The following UNKL variants were observed in gnomAD, a reference collection of about 807,000 sequenced individuals.
The protein encoded by UNKL is unk like zinc finger.
UNKL carries 60 observed loss-of-function variants against 78.0 expected under a neutral mutation model. The observed-to-expected ratio is 0.77, with a 90% confidence interval of 0.63 to 0.95. The LOEUF (loss-of-function observed/expected upper bound fraction) is 0.95, where lower values mean the gene tolerates loss of function less well. Among genes scored for constraint, UNKL ranks in the 40% least tolerant of loss-of-function variants. UNKL has a pLI of 0.00. For synonymous variants in UNKL, 608 were observed against 474.8 expected (o/e 1.28, Z -3.65); for missense variants, 1,159 against 1,045.7 (o/e 1.11, Z -1.49).
chr16:1,395,321 C>T (rs557820807), intron 6 of UNKL, among the ~76,000 whole-genome samples: 158 of 152,042 alleles, frequency 1.0e-3, no homozygotes, highest in African/African-American at 3.1e-3. Context: ...CCATGAGCCA[C>T]CAAACCTGGC....
rs1159244805 is a variant in UNKL, at chr16:1,364,087, C to CAAAT, written c.*2149_*2152dup. Reference sequence around the variant, plus strand: ...CAAATGGGAACCAAGTGCATAAATACAAATAAAAACAGAGTTTACACATCG... The same window carrying CAAAT: ...CAAATGGGAACCAAGTGCATAAATACAAATAAATAAAAACAGAGTTTACACATCG... On this transcript the variant is annotated 3_prime_UTR_variant, in exon 15 of 15. Coordinates refer to ENST00000389221, the MANE Select transcript of UNKL (RefSeq NM_001372107.1). 4 of 152,184 alleles carry CAAAT rather than the reference C, an allele frequency of 2.6e-5. No individual in the cohort carries two copies. The highest frequency in any genetic ancestry group is 5.9e-5 in the Non-Finnish European group (4 of 68,034). 9.4% of individuals were successfully genotyped at this position (152,184 alleles called of 1,614,324 possible). A position where few individuals can be genotyped will look rare whatever the true frequency, so the allele number is the denominator to read the frequency against.
In UNKL at chr16:1,366,087, C is replaced by T. The variant is rs1017449547; in HGVS notation, c.*153G>A. 2.1e-5 allele frequency: 19 copies of T among 892,840 alleles called. No homozygotes were observed. Among genetic ancestry groups the T allele is most frequent in the Middle Eastern group, 7.5e-4 (2 of 2,674 alleles). 55.3% of individuals were successfully genotyped at this position (892,840 alleles called of 1,614,324 possible). Reference sequence around the variant, plus strand: ...GAAAGGCTGTCAGGCCAAGCGCAGGCGGGGCTCCCAGCCTCATGATAACGT... The same window carrying T: ...GAAAGGCTGTCAGGCCAAGCGCAGGTGGGGCTCCCAGCCTCATGATAACGT... On this transcript the variant is annotated 3_prime_UTR_variant, in exon 15 of 15. Transcript: ENST00000389221.
intron 4 of UNKL, among the ~76,000 whole-genome samples, chr16:1,400,077 G>A (rs542516134): frequency 2.0e-5 from 3 of 152,040 alleles, no homozygotes; most frequent in Non-Finnish European, 2.9e-5. Context: ...TTTCTACTCA[G>A]TTTTGCTGTG....
chr16:1,401,539 A>ACCCCCCCCCC, intron 4 of UNKL, 29 bp downstream of exon 4: 1 of 1,351,508 alleles, frequency 7.4e-7, no homozygotes. Flanking sequence ...CCCCCCCACC[A>ACCCCCCCCCC]CCGCCCTCAG....
chr16:1,414,102 G>A (rs1467185231), intron 1 of UNKL, 47 bp from the exon 2 acceptor site: 11 of 1,505,844 alleles, frequency 7.3e-6, no homozygotes, highest in East Asian at 2.5e-5. Flanking sequence ...AGCACCTCCA[G>A]GGACTCGGAC....
Position 1,401,677 on chromosome 16 carries a change from C to A in UNKL, c.489G>T (p.Leu163Phe). Residue 163 changes from leucine to phenylalanine, a missense_variant, in exon 4 of 15, where the codon TTG becomes TTT. Physicochemically the swap from Leu to Phe is conservative, Grantham distance 22. Transcript: ENST00000389221. The stretch of plus-strand genomic sequence containing the variant: ...CCCCGCCGCCCAGCTGGCCGTTCTG[C>A]AAGGCTTCCTGGGCCTGCAGCTCCC... ...DVRELQAQEA[L>F]QNGQLGGGEG... is the part of the protein sequence containing the mutation. 6.2e-7 allele frequency: 1 copy of A among 1,611,830 alleles called. No individual in the cohort carries two copies. The highest frequency in any genetic ancestry group is 8.5e-7 in the Non-Finnish European group (1 of 1,179,366).
Position 1,370,169 on chromosome 16 carries a change from C to G in UNKL, c.1546G>C (p.Gly516Arg). The G allele has an allele frequency of 6.6e-7, 1 of 1,515,268 alleles. No individual in the cohort carries two copies. Among genetic ancestry groups the G allele is most frequent in the African/African-American group, 1.4e-5 (1 of 72,480 alleles). 93.9% of individuals were successfully genotyped at this position (1,515,268 alleles called of 1,614,324 possible). A position where few individuals can be genotyped will look rare whatever the true frequency, so the allele number is the denominator to read the frequency against. Residue 516 changes from glycine (G) to arginine (R), a missense_variant, in exon 12 of 15, where the codon GGC (glycine) becomes CGC (arginine). Gly to Arg is a moderately radical substitution (Grantham distance 125, BLOSUM62 -2). Transcript: ENST00000389221. Reference protein sequence around the residue: ...QQPPPLRSEPGTLGSAASSYS... With the variant: ...QQPPPLRSEPRTLGSAASSYS... ...GATGAGGCTGCAGAGCCCAGTGTGC[C>G]CGGCTCTGAACGCAGGGGTGGCGGC... is the stretch of plus-strand genomic sequence containing the variant.
In UNKL at chr16:1,364,097, CAG is replaced by C. The variant is rs1303182891; in HGVS notation, c.*2141_*2142del. The C allele has an allele frequency of 2.6e-5, 4 of 152,188 alleles. No homozygotes were observed. The highest frequency in any genetic ancestry group is 1.3e-4 in the Admixed American group (2 of 15,284). The allele number at this position is 152,188 out of a possible 1,614,324, so 9.4% of individuals were successfully genotyped here. On this transcript the variant is annotated 3_prime_UTR_variant, in exon 15 of 15. Coordinates refer to ENST00000389221, the MANE Select transcript of UNKL (RefSeq NM_001372107.1). ...CCAAGTGCATAAATACAAATAAAAA[CAG>C]AGTTTACACATCGATGACAGTAGCA...
In UNKL at chr16:1,399,031, G is replaced by A. The variant is rs1193581144; in HGVS notation, c.734+343C>T. ...GACAGCATGCAGCCCACAGGCTGGA[G>A]AGCGTGGCTGCAACCAGAGGCACGG... On this transcript the variant is annotated intron_variant, in intron 5 of 14. Coordinates refer to ENST00000389221, the MANE Select transcript of UNKL (RefSeq NM_001372107.1). The surrounding 1 kb of genome is among the most constrained non-coding windows in gnomAD (Gnocchi z 5.8). 4 of 1,438,362 alleles carry A rather than the reference G, an allele frequency of 2.8e-6. No individual in the cohort carries two copies. Among genetic ancestry groups the A allele is most frequent in the Non-Finnish European group, 3.7e-6 (4 of 1,094,432 alleles). 89.1% of individuals were successfully genotyped at this position (1,438,362 alleles called of 1,614,324 possible).
chr16:1,370,472 G>T, intron 11 of UNKL, 115 bp from the exon 12 acceptor site: 1 of 1,443,110 alleles, frequency 6.9e-7, no homozygotes, highest in East Asian at 2.6e-5. Context: ...TGGGGATATG[G>T]GGGGTGGGAA....
chr16:1,363,359 G>C lies in UNKL; in HGVS notation c.*2881C>G. On this transcript the variant is annotated 3_prime_UTR_variant, in exon 15 of 15. Transcript: ENST00000389221. The stretch of plus-strand genomic sequence containing the variant: ...AAATGATTATAAATACTACCTTCTG[G>C]GTTAAGAAAATTCCATTCAAATAAC... 2.2e-6 allele frequency: 1 copy of C among 458,960 alleles called. No individual in the cohort carries two copies. The highest frequency in any genetic ancestry group is 2.1e-5 in the South Asian group (1 of 46,880). The allele number at this position is 458,960 out of a possible 1,614,324, so 28.4% of individuals were successfully genotyped here. A position where few individuals can be genotyped will look rare whatever the true frequency, so the allele number is the denominator to read the frequency against.
rs558104019 is a variant in UNKL at position 1,367,206 on chromosome 16, G to A, written c.1932C>T (p.Gly644=). 8.1e-6 allele frequency: 13 copies of A among 1,605,092 alleles called. No homozygotes were observed. The highest frequency in any genetic ancestry group is 1.7e-4 in the Middle Eastern group (1 of 6,034). ...GCAGCCCCGGCAGTGTGGAGGCTAC[G>A]CCCAGGCCCTCCAGCTCCTCCTGCA... ...KQLQEELEGL[G]VASTLPGLRG... The change falls in exon 14 of 15, where the codon GGC becomes GGT. Residue 644 remains glycine (G), a synonymous_variant. Transcript: ENST00000389221.
intron 2 of UNKL, chr16:1,407,420 AAGAC>A (rs898999953): frequency 2.0e-5 from 3 of 152,238 alleles, no homozygotes; most frequent in African/African-American, 7.2e-5. Flanking sequence ...CTCTGGAAAG[AAGAC>A]AGAGGCCGGG....
intron 10 of UNKL, among the ~76,000 whole-genome samples, chr16:1,376,971 C>G (rs562483787): frequency 6.6e-6 from 1 of 152,084 alleles, no homozygotes; most frequent in Non-Finnish European, 1.5e-5. Flanking sequence ...TTCCCTGCAA[C>G]GCCACGTACC....
chr16:1,398,681 A>ACTCCCCC, intron 5 of UNKL: 1 of 694,534 alleles, frequency 1.4e-6, no homozygotes, highest in Non-Finnish European at 1.9e-6. Flanking sequence ...TGGGGTCTGC[A>ACTCCCCC]CCCCCCCACC....
intron 10 of UNKL, among the ~76,000 whole-genome samples, chr16:1,377,490 A>C (rs1596683485): frequency 6.7e-6 from 1 of 148,320 alleles, no homozygotes; most frequent in African/African-American, 2.5e-5. Context: ...CAGAAAGGAG[A>C]CCCCCCCTCT....
rs578217113 is a variant in UNKL, at chr16:1,366,811, G to A, written c.2046+281C>T. 2.0e-5 allele frequency among the ~76,000 whole-genome samples: 3 copies of A among 152,014 alleles called. No homozygotes were observed. In the South Asian group the frequency reaches 6.2e-4, roughly 32 times the overall value. The stretch of plus-strand genomic sequence containing the variant: ...TGTGTGAGGGTCACAGCTGTGAACA[G>A]GGAGGGATGGGGCCACGGGGAGCAG... On this transcript the variant is annotated intron_variant, in intron 14 of 14. Transcript: ENST00000389221.
In UNKL at chr16:1,383,400, G is replaced by C. The variant is rs996278353; in HGVS notation, c.1264+1808C>G. 4.6e-5 allele frequency: 8 copies of C among 173,048 alleles called. No individual in the cohort carries two copies. The East Asian group carries it at 1.2e-3, about 27-fold the overall frequency. The allele number at this position is 173,048 out of a possible 1,614,324, so 10.7% of individuals were successfully genotyped here. A position where few individuals can be genotyped will look rare whatever the true frequency, so the allele number is the denominator to read the frequency against. ...ACGGCCCAGCAGCAACACAGGCCAA[G>C]AGCTGTGCCCAGAAGATGCACCTGG... On this transcript the variant is annotated intron_variant, in intron 10 of 14. Coordinates refer to ENST00000389221, the MANE Select transcript of UNKL (RefSeq NM_001372107.1).
In UNKL at chr16:1,414,051, G is replaced by C; in HGVS notation, c.82C>G (p.Leu28Val). 6.5e-7 allele frequency: 1 copy of C among 1,545,944 alleles called. No individual in the cohort carries two copies. The highest frequency in any genetic ancestry group is 8.7e-7 in the Non-Finnish European group (1 of 1,143,688). ...QTEKPTHYRY[L>V]KEFRTEQCPL... Reference sequence around the variant, plus strand: ...CACTGCTCCGTCCTGAACTCCTTCAGGTACCTACAAACACAGACAGCGCCG... The same window carrying C: ...CACTGCTCCGTCCTGAACTCCTTCACGTACCTACAAACACAGACAGCGCCG... Residue 28 changes from leucine (L) to valine (V), a missense_variant, in exon 2 of 15, where the codon CTG (leucine) becomes GTG (valine). Leu to Val is a conservative substitution (Grantham distance 32, BLOSUM62 1). Transcript: ENST00000389221.
Sources: allele counts gnomAD v4.1 joint callset (sites outside exome capture counted in the v4.1 genomes callset), GRCh38; gene constraint gnomAD v4.1.1; non-coding constraint Gnocchi (gnomAD v3.1); transcripts MANE v1.5; gene names NCBI Gene and HGNC (gene_info 2026-07-23, HGNC 2026-07-21).